CLPTM1L: variants seen among roughly 807,000 people sequenced by gnomAD.
The protein encoded by CLPTM1L is CLPTM1 like, also known as lipid scramblase CLPTM1L.
In CLPTM1L, 38 loss-of-function variants were observed where a neutral mutation model predicts 70.9. The observed-to-expected ratio is 0.54, with a 90% CI of 0.41 to 0.70. The LOEUF is 0.70. CLPTM1L is among the 30% of genes least tolerant of loss of function. The pLI, the probability that CLPTM1L is intolerant of heterozygous loss-of-function variation, is 0.00. For missense variants in CLPTM1L, 652 were observed against 705.9 expected, an observed-to-expected ratio of 0.92 and a Z score of 0.87; for synonymous variants, 339 against 299.9, an observed-to-expected ratio of 1.13 and a Z score of -1.35.
intron 10 of CLPTM1L, chr5:1,325,359 C>A: frequency 3.8e-6 from 1 of 265,308 alleles, no homozygotes; most frequent in Non-Finnish European, 7.1e-6. Flanking sequence ...GGCACTGGGG[C>A]AGCCACCAGC....
chr5:1,323,006 G>T, intron 12 of CLPTM1L, 95 bp from the exon 13 acceptor site: 1 of 1,264,948 alleles, frequency 7.9e-7, no homozygotes, highest in Non-Finnish European at 1.2e-6. Context: ...AAAATCCTCT[G>T]AAAATACCCA....
At position 1,330,305 on chromosome 5, in the gene CLPTM1L, G is replaced by A. The variant is rs758146350; in HGVS notation, c.1055C>T (p.Pro352Leu). 5.6e-6 allele frequency: 9 copies of A among 1,612,828 alleles called. No homozygotes were observed. Among genetic ancestry groups the A allele is most frequent in the South Asian group, 2.2e-5 (2 of 91,078 alleles). ...DEQTSLLVLVPAGVGAAIELW... is the reference protein window; with the variant it reads ...DEQTSLLVLVLAGVGAAIELW... ...CTCAATGGCGGCTCCAACACCCGCC[G>A]GGACCAGCACCAGCAGGCTCGTCTG... The change falls in exon 9 of 17, where the codon CCG (proline) becomes CTG (leucine). Residue 352 changes from proline (P) to leucine (L), a missense_variant. Coordinates refer to ENST00000320895, the MANE Select transcript of CLPTM1L (RefSeq NM_030782.5).
Position 1,338,850 on chromosome 5 carries a change from C to G in CLPTM1L, c.599+10G>C, listed in dbSNP as rs1753752859. 6 of 1,612,918 alleles carry G rather than the reference C, an allele frequency of 3.7e-6. No homozygotes were observed. The highest frequency in any genetic ancestry group is 5.1e-6 in the Non-Finnish European group (6 of 1,179,886). Reference sequence around the variant, plus strand: ...TCCCCCCGGCGCTCCAGCTCTGGGGCCCCACTTACATCTTCATGTACCGAT... The same window carrying G: ...TCCCCCCGGCGCTCCAGCTCTGGGGGCCCACTTACATCTTCATGTACCGAT... On this transcript the variant is annotated intron_variant, in intron 4 of 16. Transcript: ENST00000320895.
chr5:1,344,471 G>A lies in CLPTM1L; in HGVS notation c.163-20C>T, dbSNP rs1447528927. On this transcript the variant is annotated intron_variant, in intron 1 of 16. Transcript: ENST00000320895. ...GCTCAGCTGGAAAGGAGGGGGCGTC[G>A]AGAGTCAGCTCGGCCAGGCCCTGGC... 1 of 1,602,624 alleles carries A rather than the reference G, an allele frequency of 6.2e-7. No homozygotes were observed. The highest frequency in any genetic ancestry group is 8.5e-7 in the Non-Finnish European group (1 of 1,170,260).
Position 1,343,306 on chromosome 5 carries a change from C to G in CLPTM1L, c.263+1045G>C, listed in dbSNP as rs568587997. Among the ~76,000 whole-genome samples the G allele has an allele frequency of 6.6e-5, 10 of 152,270 alleles. 1 individual carries two copies. The South Asian group carries it at 2.1e-3, about 32-fold the overall frequency. On this transcript the variant is annotated intron_variant, in intron 2 of 16. Transcript: ENST00000320895. ...CCAGGACATCTTAAGTGTCTCTCTT[C>G]AGGCAGAGGGTGCAGGGCTGTGTAT...
rs1752342153 is a variant in CLPTM1L at position 1,323,884 on chromosome 5, G to C, written c.1198-15C>G. Reference sequence around the variant, plus strand: ...TACTTCATGGCCTGCAGGGAACAAAGATGGCTTCCAGTTAGAGGCCCAAAC... The same window carrying C: ...TACTTCATGGCCTGCAGGGAACAAACATGGCTTCCAGTTAGAGGCCCAAAC... On this transcript the variant is annotated splice_polypyrimidine_tract_variant and intron_variant, in intron 11 of 16. Coordinates refer to ENST00000320895, the MANE Select transcript of CLPTM1L (RefSeq NM_030782.5). 6.2e-7 allele frequency: 1 copy of C among 1,605,592 alleles called. No homozygotes were observed. Among genetic ancestry groups the C allele is most frequent in the Admixed American group, 1.7e-5 (1 of 59,980 alleles).
intron 4 of CLPTM1L, 130 bp from the exon 5 acceptor site, chr5:1,338,112 A>C: frequency 1.3e-6 from 1 of 740,910 alleles, no homozygotes; most frequent in Non-Finnish European, 2.4e-6. Flanking sequence ...TCTCAGTCAC[A>C]ATGACCCCAG....
chr5:1,320,331 G>A (rs145387506), intron 16 of CLPTM1L: 8 of 341,062 alleles, frequency 2.3e-5, no homozygotes, highest in Non-Finnish European at 4.2e-5. Flanking sequence ...TAAATAAATC[G>A]CTTAAGGAGA....
chr5:1,344,170 T>C (rs912840929), intron 2 of CLPTM1L, among the ~76,000 whole-genome samples, 181 bp downstream of exon 2: 2 of 152,260 alleles, frequency 1.3e-5, no homozygotes, highest in African/African-American at 4.8e-5. Context: ...ACCTGTCACC[T>C]TCCAGGCTGA....
At chr5:1,326,553 T>TAGACACATTCCATCCAGCTCCTCCTCTAC (rs1561233729) in intron 9 of CLPTM1L, 23 of 155,902 alleles carry the variant, frequency 1.5e-4, no homozygotes, top group Admixed American at 5.0e-4. Flanking sequence ...GCTCCTCCTC[T>TAGACACATTCCATCCAGCTCCTCCTCTAC]AGACACATTC....
At chr5:1,337,636 G>A (rs922471291) in intron 5 of CLPTM1L, among the ~76,000 whole-genome samples, 24 of 152,346 alleles carry the variant, frequency 1.6e-4, no homozygotes, top group African/African-American at 5.5e-4. Context: ...TCTATGCGCT[G>A]CATAAACAAT....
At position 1,341,181 on chromosome 5, in the gene CLPTM1L, G is replaced by A. The variant is rs548094850; in HGVS notation, c.453+490C>T. Among the ~76,000 whole-genome samples the A allele has an allele frequency of 1.1e-4, 17 of 152,282 alleles. No individual in the cohort carries two copies. In the South Asian group the frequency reaches 2.7e-3, roughly 24 times the overall value. On this transcript the variant is annotated intron_variant, in intron 3 of 16. Coordinates refer to ENST00000320895, the MANE Select transcript of CLPTM1L (RefSeq NM_030782.5). ...TAAGTGACTTCCAGTTTTTATTTGC[G>A]CATACACCTTTCTACAGATGTACAA...
chr5:1,325,955 G>A, intron 9 of CLPTM1L, 139 bp from the exon 10 acceptor site: 1 of 695,330 alleles, frequency 1.4e-6, no homozygotes, highest in South Asian at 1.8e-5. Context: ...CCCTCCCACA[G>A]CTCAGGCCAG....
rs768931369 is a variant in CLPTM1L at position 1,335,175 on chromosome 5, CTGA to C, written c.679-4_679-2del. 6.2e-7 allele frequency: 1 copy of C among 1,612,066 alleles called. No individual in the cohort carries two copies. Among genetic ancestry groups the C allele is most frequent in the South Asian group, 1.1e-5 (1 of 91,040 alleles). On this transcript the variant is annotated splice_acceptor_variant and splice_polypyrimidine_tract_variant and intron_variant, in intron 5 of 16. Transcript: ENST00000320895. LOFTEE classifies it high-confidence loss of function. ...GCTCGGTGGTGGAGCGGTTTATGAC[CTGA>C]TGAAGAAAGCCACACTGAGGGCCCT...
intron 12 of CLPTM1L, 145 bp downstream of exon 12, chr5:1,323,642 C>T: frequency 1.5e-6 from 1 of 654,218 alleles, no homozygotes; most frequent in Middle Eastern, 3.8e-4. Flanking sequence ...CCGTGTGCAG[C>T]TGCAGGGGCA....
chr5:1,334,242 G>C, intron 7 of CLPTM1L, 47 bp downstream of exon 7: 1 of 1,440,722 alleles, frequency 6.9e-7, no homozygotes, highest in South Asian at 1.2e-5. Flanking sequence ...CCGGGGCCCA[G>C]GGAGCCCCCC....
At position 1,337,945 on chromosome 5, in the gene CLPTM1L, G is replaced by A; in HGVS notation, c.637C>T (p.Leu213=). The change falls in exon 5 of 17, where the codon CTG becomes TTG. Residue 213 remains leucine, a synonymous_variant. Transcript: ENST00000320895. ...LGKTVHYLPI[L]FIDQLSNRVK... is the part of the protein sequence containing the mutation. ...CGGTTGCTGAGCTGGTCGATGAACA[G>A]GATGGGCAGGTAATGCACGGTTTTC... is the stretch of plus-strand genomic sequence containing the variant. 6.2e-7 allele frequency: 1 copy of A among 1,608,248 alleles called. No homozygotes were observed. Among genetic ancestry groups the A allele is most frequent in the East Asian group, 2.2e-5 (1 of 44,706 alleles).
rs574380664 is a variant in CLPTM1L, at chr5:1,321,741, G to A, written c.1371+23C>T. 3.5e-5 allele frequency: 56 copies of A among 1,613,952 alleles called. No homozygotes were observed. In the African/African-American group the frequency reaches 4.0e-4, roughly 12 times the overall value. ...CAGCACAGGAGACGGGGGCCGGGCC[G>A]CGGGCAGCACACACCGCCTTACCTT... On this transcript the variant is annotated intron_variant, in intron 14 of 16. Coordinates refer to ENST00000320895, the MANE Select transcript of CLPTM1L (RefSeq NM_030782.5).
chr5:1,320,277 T>C (rs1752074266), intron 16 of CLPTM1L: 2 of 198,730 alleles, frequency 1.0e-5, no homozygotes, highest in Non-Finnish European at 2.0e-5. Context: ...GGATTAGCCA[T>C]GCTACGGTCT....
Sources: gnomAD v4.1 joint callset for allele counts (sites outside exome capture counted in the v4.1 genomes callset) on GRCh38, gnomAD v4.1.1 for gene constraint, MANE v1.5 for transcripts, NCBI Gene and HGNC (gene_info 2026-07-23, HGNC 2026-07-21) for gene names.